Variants in ANKRD36C observed in about 807,000 individuals in gnomAD.
ANKRD36C encodes ankyrin repeat domain 36C, also known as ankyrin repeat domain-containing protein 36C.
Under a neutral mutation model 276.4 loss-of-function variants are expected in ANKRD36C, and 61 were observed. The observed-to-expected ratio is 0.22, with a 90% confidence interval of 0.18 to 0.27. The LOEUF (loss-of-function observed/expected upper bound fraction) is 0.27. ANKRD36C is among the 10% of genes least tolerant of loss of function. The pLI, the probability that ANKRD36C is intolerant of heterozygous loss-of-function variation, is 1.00. For missense variants in ANKRD36C, 1,447 were observed against 2,032.3 expected (o/e 0.71, Z 5.54); for synonymous variants, 483 against 680.1 (o/e 0.71, Z 4.51).
At chr2:95,974,463 T>G (rs1241398284) in intron 6 of ANKRD36C, among the ~76,000 whole-genome samples, 2 of 152,222 alleles carry the variant, frequency 1.3e-5, no homozygotes, top group Non-Finnish European at 2.9e-5. Context: ...TAATAATATT[T>G]TCTTTAGGGA....
intron 42 of ANKRD36C, among the ~76,000 whole-genome samples, chr2:95,903,515 C>G (rs373224049): frequency 6.6e-6 from 1 of 151,592 alleles, no homozygotes; most frequent in East Asian, 2.0e-4. Context: ...TGCTCTTTAA[C>G]TTGCCCAATA....
chr2:95,961,011 C>T (rs935302824), intron 8 of ANKRD36C, among the ~76,000 whole-genome samples: 58 of 152,072 alleles, frequency 3.8e-4, no homozygotes, highest in Non-Finnish European at 4.9e-4. Flanking sequence ...GAATCAATGT[C>T]GAAGCAGGTG....
chr2:95,910,170 G>C (rs937983168), intron 42 of ANKRD36C, among the ~76,000 whole-genome samples: 1 of 151,110 alleles, frequency 6.6e-6, no homozygotes, highest in Non-Finnish European at 1.5e-5. Context: ...ACTTCAATGT[G>C]GGGAACTGTA....
At chr2:95,911,306 C>T (rs1259183121) in intron 42 of ANKRD36C, among the ~76,000 whole-genome samples, 1 of 151,464 alleles carries the variant, frequency 6.6e-6, no homozygotes, top group Admixed American at 6.6e-5. Context: ...AAGTAAAATG[C>T]TACAAGCATT....
chr2:95,986,826 G>A (rs572793937), exon 3 of ANKRD36C: 98 of 1,611,836 alleles, frequency 6.1e-5, no homozygotes, highest in Middle Eastern at 4.5e-4. Context: ...TATACACAGC[G>A]TAGTGCAGAG....
At chr2:95,950,109 G>T (rs562953125) in intron 16 of ANKRD36C, among the ~76,000 whole-genome samples, 180 of 152,370 alleles carry the variant, frequency 1.2e-3, no homozygotes, top group Non-Finnish European at 1.7e-3. Flanking sequence ...TTTAATATAT[G>T]CTAAATATAG....
intron 1 of ANKRD36C, 63 bp from the exon 2 acceptor site, chr2:95,987,269 T>C: frequency 6.7e-7 from 1 of 1,487,382 alleles, no homozygotes. Context: ...ATGTTATTTC[T>C]CTGTCTTCAA....
intron 1 of ANKRD36C, 82 bp from the exon 2 acceptor site, chr2:95,987,288 T>C (rs1255293039): frequency 3.4e-6 from 5 of 1,479,058 alleles, no homozygotes; most frequent in African/African-American, 1.4e-5. Flanking sequence ...AAAACAAATA[T>C]GTAATTTTCT....
chr2:95,859,667 T>C (rs977049540), intron 61 of ANKRD36C, among the ~76,000 whole-genome samples, 194 bp downstream of exon 81: 2 of 152,180 alleles, frequency 1.3e-5, no homozygotes, highest in African/African-American at 4.8e-5. Flanking sequence ...TAAAAGAATA[T>C]GCATTTAATT....
At chr2:95,963,374 G>A (rs542527430) in intron 6 of ANKRD36C, among the ~76,000 whole-genome samples, 5 of 151,014 alleles carry the variant, frequency 3.3e-5, no homozygotes, top group South Asian at 2.1e-4. Flanking sequence ...ATCAATTAAT[G>A]GATTCAACAT....
chr2:95,851,952 T>A (rs548915922), intron 65 of ANKRD36C, among the ~76,000 whole-genome samples, 165 bp from the exon 86 acceptor site: 1 of 152,204 alleles, frequency 6.6e-6, no homozygotes, highest in African/African-American at 2.4e-5. Flanking sequence ...GTTGATAATA[T>A]GCAAAATTTA....
intron 42 of ANKRD36C, 89 bp downstream of exon 44, chr2:95,912,155 A>C (rs1312678079): frequency 1.3e-6 from 2 of 1,499,364 alleles, no homozygotes; most frequent in Admixed American, 2.0e-5. Flanking sequence ...CAGAATGTGC[A>C]GCTTCGACCA....
intron 61 of ANKRD36C, among the ~76,000 whole-genome samples, chr2:95,859,319 A>ACT (rs1316703966): frequency 6.6e-6 from 1 of 152,184 alleles, no homozygotes; most frequent in African/African-American, 2.4e-5. Flanking sequence ...GTCATGAGCC[A>ACT]CTGCACCCGG....
intron 8 of ANKRD36C, among the ~76,000 whole-genome samples, chr2:95,961,135 C>T (rs1678449235): frequency 6.6e-6 from 1 of 152,164 alleles, no homozygotes; most frequent in Non-Finnish European, 1.5e-5. Flanking sequence ...TACACAATGA[C>T]AATGGCACTT....
chr2:95,963,745 A>T (rs1183213050), intron 6 of ANKRD36C, among the ~76,000 whole-genome samples: 1 of 108,920 alleles, frequency 9.2e-6, no homozygotes, highest in Non-Finnish European at 1.8e-5. Context: ...CTTTGTACTC[A>T]TGAAGGCTCC....
chr2:95,938,288 A>G (rs1364239488), intron 22 of ANKRD36C, among the ~76,000 whole-genome samples: 1 of 152,306 alleles, frequency 6.6e-6, no homozygotes, highest in Non-Finnish European at 1.5e-5. Flanking sequence ...TTGTTTTAAA[A>G]CACTGTATCT....
At chr2:95,937,678 C>A (rs1677755421) in intron 22 of ANKRD36C, among the ~76,000 whole-genome samples, 1 of 152,294 alleles carries the variant, frequency 6.6e-6, no homozygotes, top group African/African-American at 2.4e-5. Flanking sequence ...GCCATTTCTT[C>A]TTTCCAATGT....
intron 42 of ANKRD36C, among the ~76,000 whole-genome samples, chr2:95,909,417 A>C (rs1283304253): frequency 4.0e-5 from 3 of 74,144 alleles, no homozygotes; most frequent in Non-Finnish European, 7.9e-5. Context: ...TTTGACATAC[A>C]TATACAAAGT....
At chr2:95,884,209 C>T in exon 54 of ANKRD36C, 1 of 1,609,572 alleles carries the variant, frequency 6.2e-7, no homozygotes, top group Non-Finnish European at 8.5e-7. Context: ...ATTTCTCTGG[C>T]TATATTCGAA....
Sources: gnomAD v4.1 joint callset for allele counts (sites outside exome capture counted in the v4.1 genomes callset) on GRCh38, gnomAD v4.1.1 for gene constraint, MANE v1.5 for transcripts, NCBI Gene and HGNC (gene_info 2026-07-23, HGNC 2026-07-21) for gene names.